FAM193A: variants seen among roughly 807,000 people sequenced by gnomAD.
FAM193A encodes the protein family with sequence similarity 193 member A.
In FAM193A, 22 loss-of-function variants were observed where a neutral mutation model predicts 126.5. The ratio of observed to expected loss-of-function variants is 0.17; its 90% CI spans 0.12 to 0.25. The LOEUF (loss-of-function observed/expected upper bound fraction) is 0.25. Ranked by LOEUF, FAM193A falls within the 10% of genes least tolerant of loss-of-function variation. The pLI is 1.00. For synonymous variants in FAM193A, 761 were observed against 646.8 expected, an observed-to-expected ratio of 1.18 and a Z score of -2.68; for missense variants, 1,675 against 1,672.8, an observed-to-expected ratio of 1.00 and a Z score of -0.02.
intron 12 of FAM193A, among the ~76,000 whole-genome samples, chr4:2,669,565 C>T (rs982115268): frequency 1.3e-5 from 2 of 152,150 alleles, no homozygotes; most frequent in East Asian, 1.9e-4. Flanking sequence ...GACAAGATCG[C>T]GCCATTGCGC....
chr4:2,706,585 C>T (rs1476229921), intron 19 of FAM193A, among the ~76,000 whole-genome samples: 1 of 151,994 alleles, frequency 6.6e-6, no homozygotes, highest in Non-Finnish European at 1.5e-5. Flanking sequence ...CGTGAGCCAC[C>T]GTTCCCGTCC....
chr4:2,729,289 T>C (rs987368230), intron 20 of FAM193A, among the ~76,000 whole-genome samples: 1 of 152,128 alleles, frequency 6.6e-6, no homozygotes, highest in Admixed American at 6.5e-5. Flanking sequence ...CAGGTGAGCA[T>C]GCGCATGCTC....
intron 1 of FAM193A, among the ~76,000 whole-genome samples, chr4:2,568,721 G>C (rs763134936): frequency 1.6e-4 from 25 of 152,184 alleles, no homozygotes; most frequent in Admixed American, 1.2e-3. Flanking sequence ...AGTGAAAAAG[G>C]AGGAGTGATT....
At chr4:2,552,936 C>G (rs1161730544) in intron 1 of FAM193A, among the ~76,000 whole-genome samples, 1 of 150,864 alleles carries the variant, frequency 6.6e-6, no homozygotes, top group Non-Finnish European at 1.5e-5. Flanking sequence ...CAACCTCTGC[C>G]TCCCAGCCTC....
intron 1 of FAM193A, among the ~76,000 whole-genome samples, chr4:2,555,974 G>T (rs115287283): frequency 0.028 from 4,266 of 150,858 alleles, 217 homozygotes; most frequent in African/African-American, 0.098. Context: ...GCCTGATCTC[G>T]GCTCCCTGAA....
chr4:2,693,798 A>C lies in FAM193A; in HGVS notation c.3016A>C (p.Thr1006Pro), dbSNP rs369925254. Residue 1006 changes from threonine to proline, a missense_variant, in exon 16 of 21, where the codon ACA becomes CCA. By Grantham distance (38) the Thr-to-Pro change is conservative. Transcript: ENST00000637812. Reference sequence around the variant, plus strand: ...AACCACAACTCCTGGGTTTGTGGACACACGCAAGAGTTTCTGTCCTGCACC... The same window carrying C: ...AACCACAACTCCTGGGTTTGTGGACCCACGCAAGAGTTTCTGTCCTGCACC... Reference protein sequence around the residue: ...TATTTPGFVDTRKSFCPAPLP... With the variant: ...TATTTPGFVDPRKSFCPAPLP... 1 of 1,614,242 alleles carries C rather than the reference A, an allele frequency of 6.2e-7. No individual in the cohort carries two copies. The highest frequency in any genetic ancestry group is 2.2e-5 in the East Asian group (1 of 44,882).
chr4:2,694,752 T>C (rs1336993683), intron 16 of FAM193A, among the ~76,000 whole-genome samples, 194 bp from the exon 17 acceptor site: 1 of 152,172 alleles, frequency 6.6e-6, no homozygotes, highest in African/African-American at 2.4e-5. Flanking sequence ...CCTGCATGCA[T>C]GCGCACACGC....
intron 5 of FAM193A, among the ~76,000 whole-genome samples, chr4:2,632,122 T>G (rs1172633777): frequency 6.6e-6 from 1 of 151,924 alleles, no homozygotes; most frequent in Non-Finnish European, 1.5e-5. Context: ...CTGAACAGAG[T>G]CCAAAGGTGG....
At chr4:2,686,878 T>C (rs1037992563) in intron 13 of FAM193A, among the ~76,000 whole-genome samples, 1 of 152,210 alleles carries the variant, frequency 6.6e-6, no homozygotes, top group Non-Finnish European at 1.5e-5. Context: ...TTTTGTCAAT[T>C]ACTTCTCAGC....
At chr4:2,730,408 A>C (rs1327269986) in intron 20 of FAM193A, among the ~76,000 whole-genome samples, 1 of 152,152 alleles carries the variant, frequency 6.6e-6, no homozygotes, top group Non-Finnish European at 1.5e-5. Flanking sequence ...AGCTTCTTGG[A>C]GGCCGGGCGC....
chr4:2,639,608 G>A (rs1744406658), intron 5 of FAM193A, 127 bp from the exon 6 acceptor site: 1 of 632,964 alleles, frequency 1.6e-6, no homozygotes, highest in Admixed American at 2.8e-5. Context: ...GAACACTCTG[G>A]GCCTGTGAAG....
At chr4:2,695,330 G>A (rs866108324) in intron 17 of FAM193A, among the ~76,000 whole-genome samples, 2 of 152,112 alleles carry the variant, frequency 1.3e-5, no homozygotes, top group African/African-American at 4.8e-5. Flanking sequence ...TGGTTTTTAA[G>A]GTAACTGGTA....
chr4:2,655,232 A>G (rs1448372206), intron 7 of FAM193A: 1 of 492,816 alleles, frequency 2.0e-6, no homozygotes, highest in African/African-American at 1.9e-5. Context: ...TTAGGCTATC[A>G]TTTAAAAAAT....
intron 2 of FAM193A, among the ~76,000 whole-genome samples, chr4:2,618,100 G>T (rs913053672): frequency 4.6e-5 from 7 of 152,138 alleles, no homozygotes; most frequent in Non-Finnish European, 8.8e-5. Flanking sequence ...GAAACACGTT[G>T]TCGTCCTTAT....
intron 3 of FAM193A, among the ~76,000 whole-genome samples, chr4:2,625,973 C>G (rs780150721): frequency 1.3e-5 from 2 of 152,170 alleles, no homozygotes; most frequent in Non-Finnish European, 2.9e-5. Context: ...ATTAGCCCGT[C>G]TTCACCTCCC....
At chr4:2,684,344 A>G (rs1284933339) in intron 13 of FAM193A, among the ~76,000 whole-genome samples, 1 of 151,948 alleles carries the variant, frequency 6.6e-6, no homozygotes, top group Non-Finnish European at 1.5e-5. Context: ...CCTGATTCTG[A>G]CTATATTTAT....
At position 2,700,361 on chromosome 4, in the gene FAM193A, A is replaced by G; in HGVS notation, c.4189A>G (p.Asn1397Asp). 4 of 1,614,120 alleles carry G rather than the reference A, an allele frequency of 2.5e-6. No homozygotes were observed. Among genetic ancestry groups the G allele is most frequent in the Non-Finnish European group, 2.5e-6 (3 of 1,180,006 alleles). ...AGAGGAGAGAAAAGTCAACAGTAAT[A>G]ACAATAACAAAAAGCAGCTGAACCA... The part of the protein sequence containing the change: ...KREERKVNSN[N>D]NNKKQLNHIK... Residue 1397 changes from asparagine (N) to aspartate (D), a missense_variant, in exon 19 of 21, where the codon AAC becomes GAC. Coordinates refer to ENST00000637812, the MANE Select transcript of FAM193A (RefSeq NM_001366318.2).
chr4:2,723,101 A>G (rs1720339085), intron 20 of FAM193A, among the ~76,000 whole-genome samples: 1 of 151,330 alleles, frequency 6.6e-6, no homozygotes, highest in African/African-American at 2.4e-5. Context: ...GTGAAACCCC[A>G]CCTCTACTAA....
chr4:2,700,758 C>T (rs1244875115), intron 19 of FAM193A, among the ~76,000 whole-genome samples: 3 of 151,966 alleles, frequency 2.0e-5, no homozygotes, highest in Admixed American at 6.6e-5. Flanking sequence ...GTTAAGAGTT[C>T]GAGACCAGCT....
Sources: gnomAD v4.1 joint callset for allele counts (sites outside exome capture counted in the v4.1 genomes callset) on GRCh38, gnomAD v4.1.1 for gene constraint, MANE v1.5 for transcripts, NCBI Gene and HGNC (gene_info 2026-07-23, HGNC 2026-07-21) for gene names.